The following IPO11 variants were observed in gnomAD, a reference collection of about 807,000 sequenced individuals.
The protein encoded by IPO11 is importin-11.
A neutral mutation model predicts 143.2 loss-of-function variants in IPO11; 66 were observed. The ratio of observed to expected loss-of-function variants is 0.46; its 90% confidence interval spans 0.38 to 0.57. The LOEUF is 0.57. Among genes scored for constraint, IPO11 ranks in the 20% least tolerant of loss-of-function variants. The probability of loss-of-function intolerance (pLI) is 0.00; values close to 1 mark genes in which losing one functional copy is unlikely to be tolerated. For missense variants in IPO11, 1,026 were observed against 1,141.0 expected, an observed-to-expected ratio of 0.90 and a Z score of 1.45; for synonymous variants, 385 against 377.8, an observed-to-expected ratio of 1.02 and a Z score of -0.22.
At chr5:62,542,254 T>G (rs1303408454) in intron 24 of IPO11, among the ~76,000 whole-genome samples, 1 of 152,064 alleles carries the variant, frequency 6.6e-6, no homozygotes, top group East Asian at 1.9e-4. Context: ...ATCTGTATGT[T>G]TGGTTTAAAA....
At chr5:62,477,073 C>A (rs951981130) in intron 9 of IPO11, among the ~76,000 whole-genome samples, 1 of 152,100 alleles carries the variant, frequency 6.6e-6, no homozygotes. Flanking sequence ...GATAGCAGTG[C>A]AGTTCAGCTA....
intron 24 of IPO11, among the ~76,000 whole-genome samples, chr5:62,541,838 C>T (rs762587318): frequency 9.9e-5 from 15 of 151,798 alleles, no homozygotes; most frequent in Non-Finnish European, 1.9e-4. Context: ...ATTTTTGTAA[C>T]GTTTAATATG....
intron 5 of IPO11, among the ~76,000 whole-genome samples, chr5:62,456,375 T>G (rs917164870): frequency 1.3e-5 from 2 of 152,146 alleles, no homozygotes; most frequent in African/African-American, 4.8e-5. Flanking sequence ...CATTAACCAC[T>G]GTTAAAATCC....
intron 5 of IPO11, among the ~76,000 whole-genome samples, chr5:62,464,143 GTTTT>G (rs34056674): frequency 7.6e-5 from 6 of 78,682 alleles, no homozygotes; most frequent in African/African-American, 1.6e-4. Context: ...GTTTTTGGTG[GTTTT>G]TTTTTTTTTT....
At chr5:62,479,450 A>T (rs570874063) in intron 9 of IPO11, among the ~76,000 whole-genome samples, 1 of 152,116 alleles carries the variant, frequency 6.6e-6, no homozygotes, top group Non-Finnish European at 1.5e-5. Context: ...TGGGTATATA[A>T]CCAGTAATGG....
At chr5:62,561,605 A>G (rs912915627) in intron 27 of IPO11, among the ~76,000 whole-genome samples, 1 of 152,188 alleles carries the variant, frequency 6.6e-6, no homozygotes, top group Non-Finnish European at 1.5e-5. Flanking sequence ...TTCAAAGTCA[A>G]TAGCACTTCA....
intron 20 of IPO11, 130 bp from the exon 21 acceptor site, chr5:62,526,012 T>A: frequency 4.6e-6 from 3 of 654,258 alleles, no homozygotes; most frequent in Non-Finnish European, 8.1e-6. Flanking sequence ...TTACTTGTAA[T>A]TAGGACCTTC....
chr5:62,613,518 G>T (rs566922947), intron 29 of IPO11, among the ~76,000 whole-genome samples: 2 of 151,654 alleles, frequency 1.3e-5, no homozygotes, highest in Non-Finnish European at 2.9e-5. Flanking sequence ...GCCCAGGCTC[G>T]TCTTGAACTC....
intron 5 of IPO11, among the ~76,000 whole-genome samples, chr5:62,465,413 A>C (rs763334883): frequency 9.2e-5 from 14 of 152,240 alleles, no homozygotes; most frequent in Admixed American, 2.6e-4. Context: ...TAAAGCATGC[A>C]AGTTTGTTGA....
chr5:62,573,106 G>A (rs1380328687), intron 27 of IPO11, among the ~76,000 whole-genome samples: 5 of 152,146 alleles, frequency 3.3e-5, no homozygotes, highest in African/African-American at 9.6e-5. Flanking sequence ...GAGTGCAGTA[G>A]CATGATCTCG....
chr5:62,565,293 C>T (rs1324707947), intron 27 of IPO11, among the ~76,000 whole-genome samples: 1 of 152,154 alleles, frequency 6.6e-6, no homozygotes. Flanking sequence ...TGAGACCAGC[C>T]TGGGCCAACA....
chr5:62,586,835 T>C (rs1744813568), intron 27 of IPO11, among the ~76,000 whole-genome samples: 1 of 145,630 alleles, frequency 6.9e-6, no homozygotes, highest in South Asian at 2.2e-4. Context: ...TATAGCTTTA[T>C]TTTCATCAGT....
At chr5:62,601,983 A>G (rs1745523437) in intron 29 of IPO11, 135 bp downstream of exon 29, 1 of 522,440 alleles carries the variant, frequency 1.9e-6, no homozygotes, top group Non-Finnish European at 3.4e-6. Context: ...AATTAATGTA[A>G]GGTGTACCCT....
chr5:62,618,497 A>G (rs1746223440), intron 29 of IPO11, among the ~76,000 whole-genome samples: 1 of 152,316 alleles, frequency 6.6e-6, no homozygotes, highest in Middle Eastern at 3.4e-3. Flanking sequence ...AAATTGATGA[A>G]TAAGTATTGT....
At chr5:62,624,152 A>G (rs924785064) in intron 29 of IPO11, among the ~76,000 whole-genome samples, 1 of 152,036 alleles carries the variant, frequency 6.6e-6, no homozygotes, top group Non-Finnish European at 1.5e-5. Context: ...CTCCTGCCTC[A>G]GTCTCCCAAG....
chr5:62,551,019 G>GTATATATATATA (rs373267363), intron 25 of IPO11, among the ~76,000 whole-genome samples: 42 of 144,350 alleles, frequency 2.9e-4, no homozygotes, highest in African/African-American at 1.1e-3. Flanking sequence ...TCTCTTTATT[G>GTATATATATATA]TATATATATA....
chr5:62,536,402 G>C (rs1189055638), intron 22 of IPO11, among the ~76,000 whole-genome samples: 1 of 149,772 alleles, frequency 6.7e-6, no homozygotes, highest in Middle Eastern at 3.2e-3. Context: ...TTAAGCTTTG[G>C]GTTGATACCA....
At chr5:62,578,889 C>A in intron 27 of IPO11, 1 of 300,796 alleles carries the variant, frequency 3.3e-6, no homozygotes. Flanking sequence ...AAAAGAAAAC[C>A]TTTACTGAAT....
intron 7 of IPO11, among the ~76,000 whole-genome samples, chr5:62,471,937 A>G (rs146473169): frequency 4.3e-4 from 65 of 152,332 alleles, no homozygotes; most frequent in African/African-American, 1.5e-3. Context: ...TGGGTTAAGC[A>G]TATGCCCCTC....
Sources: gnomAD v4.1 joint callset for allele counts (sites outside exome capture counted in the v4.1 genomes callset) on GRCh38, gnomAD v4.1.1 for gene constraint, MANE v1.5 for transcripts, NCBI Gene and HGNC (gene_info 2026-07-23, HGNC 2026-07-21) for gene names.